The following RYR3 variants were observed in gnomAD, a reference collection of about 807,000 sequenced individuals.
RYR3 encodes the protein ryanodine receptor 3.
A neutral mutation model predicts 584.3 loss-of-function variants in RYR3; 207 were observed. That is an observed-to-expected ratio of 0.35 (90% CI 0.32 to 0.40). The LOEUF (loss-of-function observed/expected upper bound fraction) is 0.40, where lower values mean the gene tolerates loss of function less well. Among genes scored for constraint, RYR3 ranks in the 10% least tolerant of loss-of-function variants. The probability of loss-of-function intolerance (pLI) is 1.00; values close to 1 mark genes in which losing one functional copy is unlikely to be tolerated. For synonymous variants in RYR3, 2,416 were observed against 2,248.5 expected (o/e 1.07, Z -2.11); for missense variants, 5,616 against 6,089.2 (o/e 0.92, Z 2.59).
intron 40 of RYR3, among the ~76,000 whole-genome samples, chr15:33,699,363 A>ATCTCACTCACTCTCTCTCC (rs2066123972): frequency 7.9e-6 from 1 of 126,818 alleles, no homozygotes; most frequent in Non-Finnish European, 1.6e-5. Flanking sequence ...TCTCTCTCTC[A>ATCTCACTCACTCTCTCTCC]TCTCACTCAC....
intron 16 of RYR3, among the ~76,000 whole-genome samples, chr15:33,590,638 G>A (rs2059084219): frequency 1.8e-5 from 1 of 56,656 alleles, no homozygotes. Context: ...TATTTTCATA[G>A]GGTTTTTTTT....
At chr15:33,321,889 C>T (rs1485324804) in intron 1 of RYR3, among the ~76,000 whole-genome samples, 1 of 152,138 alleles carries the variant, frequency 6.6e-6, no homozygotes, top group Non-Finnish European at 1.5e-5. Context: ...ATGCCAGCCT[C>T]AGTTTCCTAA....
intron 2 of RYR3, among the ~76,000 whole-genome samples, chr15:33,486,269 G>C (rs1434933198): frequency 6.6e-6 from 1 of 152,192 alleles, no homozygotes; most frequent in Non-Finnish European, 1.5e-5. Flanking sequence ...TCAGGGCCAT[G>C]CTCCTTCCAA....
intron 6 of RYR3, among the ~76,000 whole-genome samples, chr15:33,540,364 T>TG (rs745734813): frequency 3.4e-4 from 52 of 152,032 alleles, no homozygotes; most frequent in Non-Finnish European, 5.7e-4. Context: ...GGCACTTGTC[T>TG]GGGGGTGGGG....
chr15:33,508,981 C>T (rs908763056), intron 3 of RYR3, among the ~76,000 whole-genome samples: 9 of 152,080 alleles, frequency 5.9e-5, no homozygotes, highest in African/African-American at 2.2e-4. Context: ...GCCAGTGAAG[C>T]GTAAACATAC....
chr15:33,807,424 AG>A, intron 69 of RYR3, 130 bp from the exon 70 acceptor site: 5 of 876,496 alleles, frequency 5.7e-6, no homozygotes, highest in Non-Finnish European at 9.4e-6. Context: ...AGAACCATTG[AG>A]TTTCTGTTGT....
chr15:33,785,783 C>T lies in RYR3; in HGVS notation c.9390C>T (p.Val3130=), dbSNP rs1243030045. The change falls in exon 66 of 104, where the codon GTC becomes GTT. Residue 3130 remains valine (V), a synonymous_variant. Transcript: ENST00000634891. ...CCCGGTACACAGAGATGCCCCATGT[C>T]ATCGAGGTGATCTTACCCATGCTCT... ...SGARYTEMPH[V]IEVILPMLCN... is the part of the protein sequence containing the mutation. 6 of 1,613,896 alleles carry T rather than the reference C, an allele frequency of 3.7e-6. No homozygotes were observed. Among genetic ancestry groups the T allele is most frequent in the Non-Finnish European group, 5.1e-6 (6 of 1,179,902 alleles).
At chr15:33,438,130 A>G (rs1355093077) in intron 1 of RYR3, among the ~76,000 whole-genome samples, 2 of 152,238 alleles carry the variant, frequency 1.3e-5, no homozygotes, top group Admixed American at 6.5e-5. Context: ...GAAAATTTAC[A>G]TAGTCATTAC....
chr15:33,860,021 G>T (rs1424684875), intron 100 of RYR3, among the ~76,000 whole-genome samples: 2 of 152,132 alleles, frequency 1.3e-5, no homozygotes, highest in East Asian at 3.9e-4. Context: ...TCTCTCCTGT[G>T]GCTAGTCTTG....
chr15:33,721,915 G>A (rs2067956938), intron 43 of RYR3, among the ~76,000 whole-genome samples: 1 of 152,068 alleles, frequency 6.6e-6, no homozygotes, highest in African/African-American at 2.4e-5. Flanking sequence ...CATTATCTAT[G>A]GTTCATCCAA....
chr15:33,659,852 G>C, intron 33 of RYR3, 46 bp downstream of exon 33: 1 of 1,301,870 alleles, frequency 7.7e-7, no homozygotes, highest in Middle Eastern at 1.8e-4. Context: ...AGAGAAAGCA[G>C]CACTAACCAT....
At chr15:33,457,305 T>C (rs1030882035) in intron 1 of RYR3, among the ~76,000 whole-genome samples, 3 of 152,222 alleles carry the variant, frequency 2.0e-5, no homozygotes, top group Non-Finnish European at 4.4e-5. Flanking sequence ...TGTACTCTTA[T>C]GCAACACTAT....
chr15:33,382,904 T>C (rs1037870416), intron 1 of RYR3, among the ~76,000 whole-genome samples: 11 of 151,790 alleles, frequency 7.2e-5, no homozygotes, highest in Non-Finnish European at 1.5e-5. Flanking sequence ...TTTGGTAATA[T>C]TTGAAATTTT....
At position 33,827,800 on chromosome 15, in the gene RYR3, C is replaced by G. The variant is rs2077457555; in HGVS notation, c.11334+513C>G. 1.3e-5 allele frequency among the ~76,000 whole-genome samples: 2 copies of G among 152,196 alleles called. 1 individual carries two copies. Among genetic ancestry groups the G allele is most frequent in the East Asian group, 3.8e-4 (2 of 5,200 alleles). On this transcript the variant is annotated intron_variant, in intron 85 of 103. Coordinates refer to ENST00000634891, the MANE Select transcript of RYR3 (RefSeq NM_001036.6). ...TTCCTCATCCTGGTTCTGCCACTTA[C>G]TGGTTTGTAACCTAGAGCAATATGT...
chr15:33,670,752 C>G (rs556104139), intron 38 of RYR3, among the ~76,000 whole-genome samples, 196 bp downstream of exon 38: 1 of 152,218 alleles, frequency 6.6e-6, no homozygotes, highest in South Asian at 2.1e-4. Flanking sequence ...AACTTACTTT[C>G]ATACTGTCCT....
intron 2 of RYR3, among the ~76,000 whole-genome samples, chr15:33,481,938 A>G (rs2050009540): frequency 6.6e-6 from 1 of 151,866 alleles, no homozygotes; most frequent in Non-Finnish European, 1.5e-5. Context: ...TGTGTAACAC[A>G]TTTTTATTTT....
rs185391431 is a variant in RYR3, at chr15:33,707,756, T to C, written c.6619+702T>C. 3.4e-4 allele frequency among the ~76,000 whole-genome samples: 52 copies of C among 152,276 alleles called. No individual in the cohort carries two copies. In the East Asian group the frequency reaches 8.9e-3, roughly 26 times the overall value. On this transcript the variant is annotated intron_variant, in intron 43 of 103. Coordinates refer to ENST00000634891, the MANE Select transcript of RYR3 (RefSeq NM_001036.6). ...CAGTTTGGGGTTCCAGGCTAACAAA[T>C]TGCACTAAGCAGGTTAGGTGATCTC...
intron 23 of RYR3, 25 bp from the exon 24 acceptor site, chr15:33,632,924 T>C (rs2061337644): frequency 6.3e-7 from 1 of 1,595,420 alleles, no homozygotes; most frequent in African/African-American, 1.3e-5. Flanking sequence ...CTGTTAAAAA[T>C]GTATACTTTT....
intron 38 of RYR3, among the ~76,000 whole-genome samples, chr15:33,678,707 C>T (rs1401787469): frequency 6.6e-6 from 1 of 152,204 alleles, no homozygotes; most frequent in African/African-American, 2.4e-5. Flanking sequence ...CCTGCTGTTT[C>T]CTGTGGAGCC....
Sources: gnomAD v4.1 joint callset for allele counts (sites outside exome capture counted in the v4.1 genomes callset) on GRCh38, gnomAD v4.1.1 for gene constraint, MANE v1.5 for transcripts, NCBI Gene and HGNC (gene_info 2026-07-23, HGNC 2026-07-21) for gene names.